The following ALG14 variants were observed in gnomAD, a reference collection of about 807,000 sequenced individuals.
The protein encoded by ALG14 is ALG14 UDP-N-acetylglucosaminyltransferase subunit, also known as UDP-N-acetylglucosamine transferase subunit ALG14.
In ALG14, 17 loss-of-function variants were observed where a neutral mutation model predicts 22.8. The observed-to-expected ratio is 0.75, with a 90% CI of 0.51 to 1.12. The LOEUF is 1.12. Among genes scored for constraint, ALG14 ranks in the 50% most tolerant of loss-of-function variants. The pLI is 0.00. For synonymous variants in ALG14, 89 were observed against 103.7 expected (o/e 0.86, Z 0.86); for missense variants, 288 against 271.8 (o/e 1.06, Z -0.42).
At chr1:95,047,413 G>A (rs1674598334) in intron 2 of ALG14, among the ~76,000 whole-genome samples, 1 of 151,884 alleles carries the variant, frequency 6.6e-6, no homozygotes. Context: ...GCGTGATCTC[G>A]GCTCACTGCA....
At position 95,035,499 on chromosome 1, in the gene ALG14, A is replaced by G. The variant is rs565991450; in HGVS notation, c.289-8239T>C. ...GAACTTGACTGATGTATAATCAAAT[A>G]TATGGTGGCAAGAGAGACAAGAAAA... On this transcript the variant is annotated intron_variant, in intron 2 of 3. Coordinates refer to ENST00000370205, the MANE Select transcript of ALG14 (RefSeq NM_144988.4). Among the ~76,000 whole-genome samples the G allele has an allele frequency of 1.8e-4, 28 of 152,328 alleles. No homozygotes were observed. In the South Asian group the frequency reaches 4.6e-3, roughly 25 times the overall value.
rs1435526459 is a variant in ALG14, at chr1:94,982,284, CCTGA to C, written c.*788_*791del. ...GGGATTACAGGCATGTGCCACCACGCCTGACTAATTTTTGTATTTTTAGTAGAGA... is the reference window on the plus strand; with the variant it reads ...GGGATTACAGGCATGTGCCACCACGCCTAATTTTTGTATTTTTAGTAGAGA... On this transcript the variant is annotated 3_prime_UTR_variant, in exon 4 of 4. Transcript: ENST00000370205. The C allele has an allele frequency of 1.3e-5, 2 of 151,964 alleles. No individual in the cohort carries two copies. Among genetic ancestry groups the C allele is most frequent in the African/African-American group, 4.8e-5 (2 of 41,368 alleles). 9.4% of individuals were successfully genotyped at this position (151,964 alleles called of 1,614,324 possible).
chr1:94,988,809 T>C (rs1185879040), intron 3 of ALG14, among the ~76,000 whole-genome samples: 1 of 152,212 alleles, frequency 6.6e-6, no homozygotes, highest in Non-Finnish European at 1.5e-5. Flanking sequence ...TTTGCCCCTC[T>C]TTTAAATATT....
intron 3 of ALG14, among the ~76,000 whole-genome samples, chr1:95,016,974 TGTGTG>T (rs1673516924): frequency 1.3e-5 from 2 of 150,904 alleles, no homozygotes; most frequent in Admixed American, 6.6e-5. Context: ...TGTGTGTGTG[TGTGTG>T]TGTGTGTGTG....
chr1:95,048,652 A>G (rs1453956029), intron 2 of ALG14, among the ~76,000 whole-genome samples: 1 of 152,110 alleles, frequency 6.6e-6, no homozygotes, highest in Non-Finnish European at 1.5e-5. Flanking sequence ...CTCTATTTGG[A>G]AAGGTTACTC....
intron 2 of ALG14, among the ~76,000 whole-genome samples, chr1:95,045,777 C>T (rs61774261): frequency 0.98 from 124,028 of 126,294 alleles, 60,959 homozygotes; most frequent in Middle Eastern, 1. Context: ...AATAGAATGG[C>T]ATACTAATAG....
At chr1:94,996,072 T>C (rs1242434489) in intron 3 of ALG14, among the ~76,000 whole-genome samples, 1 of 152,234 alleles carries the variant, frequency 6.6e-6, no homozygotes, top group Non-Finnish European at 1.5e-5. Context: ...AATGAGTTTA[T>C]CCCAGTTCTA....
intron 3 of ALG14, among the ~76,000 whole-genome samples, chr1:95,011,091 C>T (rs1673348120): frequency 6.6e-6 from 1 of 152,116 alleles, no homozygotes. Flanking sequence ...CTAGATTAGC[C>T]TAGAAACCTG....
At chr1:95,023,144 T>C (rs1197318424) in intron 3 of ALG14, among the ~76,000 whole-genome samples, 2 of 152,122 alleles carry the variant, frequency 1.3e-5, no homozygotes, top group Non-Finnish European at 2.9e-5. Context: ...AACTTTTTTT[T>C]TTGAGACGGA....
chr1:95,039,984 G>A (rs549135814), intron 2 of ALG14, among the ~76,000 whole-genome samples: 1 of 151,998 alleles, frequency 6.6e-6, no homozygotes, highest in South Asian at 2.1e-4. Flanking sequence ...ACCAGGCTGG[G>A]CAACACGGCA....
intron 2 of ALG14, among the ~76,000 whole-genome samples, chr1:95,042,007 AT>A (rs1674395681): frequency 6.6e-6 from 1 of 152,110 alleles, no homozygotes; most frequent in Non-Finnish European, 1.5e-5. Flanking sequence ...ATGTGTTTGG[AT>A]TATTTCTGTA....
intron 3 of ALG14, among the ~76,000 whole-genome samples, chr1:95,007,033 G>C (rs964725303): frequency 6.6e-6 from 1 of 152,102 alleles, no homozygotes; most frequent in African/African-American, 2.4e-5. Context: ...TTTCCAAAAG[G>C]CAAAAATGTT....
In ALG14 at chr1:95,034,882, GA is replaced by G. The variant is rs150062827; in HGVS notation, c.289-7623del. 9.9e-4 allele frequency among the ~76,000 whole-genome samples: 151 copies of G among 152,166 alleles called. 3 individuals carry two copies. The highest frequency in any genetic ancestry group is 8.1e-3 in the East Asian group (42 of 5,168). ...GTTGTCTCTTTCCCTGCCTCTACAG[GA>G]ACTAAGCTCCCTGCCTCCTCCTCTC... On this transcript the variant is annotated intron_variant, in intron 2 of 3. Transcript: ENST00000370205.
At position 94,993,197 on chromosome 1, in the gene ALG14, A is replaced by T. The variant is rs934979132; in HGVS notation, c.421-9891T>A. Among the ~76,000 whole-genome samples the T allele has an allele frequency of 2.7e-5, 4 of 149,242 alleles. No homozygotes were observed. The South Asian group carries it at 6.4e-4, about 24-fold the overall frequency. On this transcript the variant is annotated intron_variant, in intron 3 of 3. Coordinates refer to ENST00000370205, the MANE Select transcript of ALG14 (RefSeq NM_144988.4). ...TTGGAGTAGACTGGGCAGGGCAAAA[A>T]TTGAGGAAGGGTCACAGAAAATAGT...
At chr1:95,070,799 A>C (rs992153886) in intron 1 of ALG14, among the ~76,000 whole-genome samples, 5 of 152,150 alleles carry the variant, frequency 3.3e-5, no homozygotes, top group African/African-American at 1.2e-4. Context: ...GCAGTGGCAC[A>C]ATCTCAGCTC....
intron 2 of ALG14, chr1:95,035,921 C>T (rs1431793512): frequency 2.0e-5 from 3 of 152,146 alleles, no homozygotes; most frequent in East Asian, 3.8e-4. Context: ...AAATTTCATT[C>T]AACCAAAAAT....
chr1:95,043,897 A>G (rs1674462572), intron 2 of ALG14, among the ~76,000 whole-genome samples: 1 of 151,786 alleles, frequency 6.6e-6, no homozygotes. Flanking sequence ...AGGGAGAGAG[A>G]GTGCACAAGT....
At chr1:95,066,197 A>C (rs1459619083) in intron 1 of ALG14, among the ~76,000 whole-genome samples, 1 of 152,098 alleles carries the variant, frequency 6.6e-6, no homozygotes, top group Non-Finnish European at 1.5e-5. Flanking sequence ...ATTAAACATG[A>C]GTTTTCCCCC....
At chr1:95,050,205 T>C (rs1292742792) in intron 2 of ALG14, among the ~76,000 whole-genome samples, 1 of 152,172 alleles carries the variant, frequency 6.6e-6, no homozygotes, top group African/African-American at 2.4e-5. Context: ...TTACTATTAA[T>C]GCTTTAAAAT....
Sources: gnomAD v4.1 joint callset for allele counts (sites outside exome capture counted in the v4.1 genomes callset) on GRCh38, gnomAD v4.1.1 for gene constraint, MANE v1.5 for transcripts, NCBI Gene and HGNC (gene_info 2026-07-23, HGNC 2026-07-21) for gene names.